Variants in PLD5 observed in about 807,000 individuals in gnomAD.
The protein encoded by PLD5 is phospholipase D family member 5, also known as inactive phospholipase D5.
PLD5 carries 36 observed loss-of-function variants against 61.1 expected under a neutral mutation model. That is an observed-to-expected ratio of 0.59 (90% CI 0.45 to 0.78). The LOEUF is 0.78. Ranked by LOEUF, PLD5 falls within the 30% of genes least tolerant of loss-of-function variation. The pLI, the probability that PLD5 is intolerant of heterozygous loss-of-function variation, is 0.00. For missense variants in PLD5, 515 were observed against 644.4 expected (o/e 0.80, Z 2.17); for synonymous variants, 243 against 242.8 (o/e 1.00, Z -0.01).
chr1:242,248,377 C>T (rs1390723745), intron 4 of PLD5, among the ~76,000 whole-genome samples: 1 of 151,802 alleles, frequency 6.6e-6, no homozygotes, highest in African/African-American at 2.4e-5. Flanking sequence ...AACATACAGC[C>T]AATCATGTGT....
chr1:242,092,453 T>C (rs182426730), intron 9 of PLD5, among the ~76,000 whole-genome samples: 42 of 152,266 alleles, frequency 2.8e-4, no homozygotes, highest in Non-Finnish European at 4.0e-4. Context: ...CCAGGAATTA[T>C]TCTCATTAAA....
intron 5 of PLD5, among the ~76,000 whole-genome samples, chr1:242,184,190 G>C (rs1667723821): frequency 6.6e-6 from 1 of 152,108 alleles, no homozygotes; most frequent in Non-Finnish European, 1.5e-5. Flanking sequence ...CAAAATCCTA[G>C]TTTCGCCATG....
At chr1:242,267,350 C>T (rs1427338743) in intron 3 of PLD5, among the ~76,000 whole-genome samples, 8 of 152,134 alleles carry the variant, frequency 5.3e-5, no homozygotes, top group Admixed American at 3.9e-4. Context: ...GCTGGCATAG[C>T]CATTGCTCCA....
intron 1 of PLD5, among the ~76,000 whole-genome samples, chr1:242,519,155 C>G (rs2103010172): frequency 1.3e-5 from 2 of 152,318 alleles, no homozygotes; most frequent in East Asian, 3.9e-4. Flanking sequence ...AGGTTGAACT[C>G]TGTCTTCTGG....
At chr1:242,207,914 TTATA>T (rs1172418491) in intron 5 of PLD5, among the ~76,000 whole-genome samples, 1 of 12,850 alleles carries the variant, frequency 7.8e-5, no homozygotes, top group African/African-American at 3.0e-4. Context: ...TTATATATAT[TTATA>T]TATTTATATA....
chr1:242,424,025 A>C (rs536344651), intron 1 of PLD5, among the ~76,000 whole-genome samples: 1 of 152,312 alleles, frequency 6.6e-6, no homozygotes, highest in Admixed American at 6.5e-5. Flanking sequence ...AAAGCAGAGA[A>C]GAAATAATCA....
At chr1:242,151,463 G>A (rs1051742408) in intron 5 of PLD5, among the ~76,000 whole-genome samples, 3 of 151,896 alleles carry the variant, frequency 2.0e-5, no homozygotes, top group Non-Finnish European at 4.4e-5. Context: ...TTTTCCCCCA[G>A]CACTCTAAAG....
intron 2 of PLD5, among the ~76,000 whole-genome samples, chr1:242,305,054 T>G (rs1165116012): frequency 1.3e-5 from 2 of 152,202 alleles, no homozygotes; most frequent in Admixed American, 6.5e-5. Context: ...TGCAGTGAGC[T>G]GGGATCACAC....
chr1:242,497,911 AGG>A, intron 1 of PLD5, among the ~76,000 whole-genome samples: 1 of 152,374 alleles, frequency 6.6e-6, no homozygotes, highest in Admixed American at 6.5e-5. Context: ...GCAGGAGCAG[AGG>A]GAAGGTAGTT....
At chr1:242,161,296 TC>T (rs1019803079) in intron 5 of PLD5, among the ~76,000 whole-genome samples, 2 of 151,980 alleles carry the variant, frequency 1.3e-5, no homozygotes, top group Middle Eastern at 3.2e-3. Flanking sequence ...GCAGGGGAAC[TC>T]CCCTTTATAA....
intron 1 of PLD5, among the ~76,000 whole-genome samples, chr1:242,516,926 A>G (rs977308098): frequency 2.6e-5 from 4 of 152,204 alleles, no homozygotes; most frequent in African/African-American, 9.6e-5. Flanking sequence ...AAGAAGTCTT[A>G]CCAGCTTTTA....
chr1:242,433,693 T>G (rs1665844202), intron 1 of PLD5, among the ~76,000 whole-genome samples: 1 of 152,192 alleles, frequency 6.6e-6, no homozygotes, highest in Non-Finnish European at 1.5e-5. Context: ...AAATATGTAC[T>G]ATGTCCGATG....
intron 3 of PLD5, among the ~76,000 whole-genome samples, chr1:242,270,922 C>T (rs1244590211): frequency 2.6e-5 from 4 of 151,940 alleles, no homozygotes; most frequent in Non-Finnish European, 5.9e-5. Context: ...TTAAAGAGAA[C>T]CAATTACAAG....
At chr1:242,518,973 A>G (rs1669192287) in intron 1 of PLD5, among the ~76,000 whole-genome samples, 1 of 152,222 alleles carries the variant, frequency 6.6e-6, no homozygotes, top group African/African-American at 2.4e-5. Flanking sequence ...TCATGTCTTG[A>G]CTGATGAGTT....
chr1:242,261,451 T>C (rs1460105039), intron 4 of PLD5, among the ~76,000 whole-genome samples: 3 of 152,100 alleles, frequency 2.0e-5, no homozygotes, highest in Non-Finnish European at 4.4e-5. Flanking sequence ...GATAAATAGT[T>C]TGTATACAGG....
intron 2 of PLD5, among the ~76,000 whole-genome samples, chr1:242,339,675 C>T (rs1659724846): frequency 6.6e-6 from 1 of 152,110 alleles, no homozygotes; most frequent in South Asian, 2.1e-4. Flanking sequence ...CCACTGGATT[C>T]AGTGTGTTGA....
chr1:242,161,233 C>T (rs1262645901), intron 5 of PLD5, among the ~76,000 whole-genome samples: 3 of 152,004 alleles, frequency 2.0e-5, no homozygotes, highest in Non-Finnish European at 2.9e-5. Context: ...AATCATGGCA[C>T]AAGGCAGAGG....
chr1:242,268,969 T>C (rs1673882957), intron 3 of PLD5, among the ~76,000 whole-genome samples: 1 of 152,060 alleles, frequency 6.6e-6, no homozygotes, highest in African/African-American at 2.4e-5. Context: ...CAGCTTCCCA[T>C]GTAGCTGGCA....
At chr1:242,248,321 TA>T (rs1200916360) in intron 4 of PLD5, among the ~76,000 whole-genome samples, 1 of 152,114 alleles carries the variant, frequency 6.6e-6, no homozygotes, top group African/African-American at 2.4e-5. Context: ...TACATTAACC[TA>T]ATAATGTCAC....
Sources: gnomAD v4.1 joint callset for allele counts (sites outside exome capture counted in the v4.1 genomes callset) on GRCh38, gnomAD v4.1.1 for gene constraint, MANE v1.5 for transcripts, NCBI Gene and HGNC (gene_info 2026-07-23, HGNC 2026-07-21) for gene names.